Variants in SNTG1 observed in about 807,000 individuals in gnomAD.
The protein encoded by SNTG1 is gamma-1-syntrophin.
A neutral mutation model predicts 74.7 loss-of-function variants in SNTG1; 39 were observed. The ratio of observed to expected loss-of-function variants is 0.52; its 90% confidence interval spans 0.40 to 0.68. The LOEUF is 0.68. Among genes scored for constraint, SNTG1 ranks in the 30% least tolerant of loss-of-function variants. The pLI is 0.00. For synonymous variants in SNTG1, 254 were observed against 217.1 expected (o/e 1.17, Z -1.49); for missense variants, 685 against 609.5 (o/e 1.12, Z -1.30).
chr8:50,403,522 A>C (rs1038719066), intron 4 of SNTG1, among the ~76,000 whole-genome samples: 4 of 152,202 alleles, frequency 2.6e-5, no homozygotes, highest in Non-Finnish European at 5.9e-5. Flanking sequence ...GAATAAATAT[A>C]TCACACTGGT....
chr8:50,129,583 T>A (rs964233346), intron 1 of SNTG1, among the ~76,000 whole-genome samples: 7 of 152,120 alleles, frequency 4.6e-5, no homozygotes, highest in African/African-American at 1.7e-4. Flanking sequence ...ATCTGTGGGT[T>A]TGGATTCATA....
intron 18 of SNTG1, among the ~76,000 whole-genome samples, chr8:50,790,022 C>G (rs971938940): frequency 6.6e-5 from 10 of 151,950 alleles, no homozygotes; most frequent in Admixed American, 1.3e-4. Context: ...AATATTTCCC[C>G]ACAAACATGG....
intron 1 of SNTG1, among the ~76,000 whole-genome samples, chr8:49,939,846 G>A (rs1185188755): frequency 6.6e-6 from 1 of 152,146 alleles, no homozygotes; most frequent in Non-Finnish European, 1.5e-5. Flanking sequence ...AAAGTCAGCA[G>A]CTCCTGAGAG....
chr8:50,702,103 C>T (rs1034131047), intron 15 of SNTG1, among the ~76,000 whole-genome samples: 2 of 152,026 alleles, frequency 1.3e-5, no homozygotes, highest in South Asian at 4.1e-4. Context: ...CTGCCCACCT[C>T]GGCCTCCCAA....
chr8:50,191,017 C>T (rs2083553071), intron 2 of SNTG1, among the ~76,000 whole-genome samples: 1 of 152,146 alleles, frequency 6.6e-6, no homozygotes, highest in South Asian at 2.1e-4. Flanking sequence ...AAGCACTTCG[C>T]TATTTTTTCT....
intron 17 of SNTG1, among the ~76,000 whole-genome samples, chr8:50,734,745 G>GTATATAGATATCTATATATATGTACATA (rs2095521835): frequency 2.8e-5 from 2 of 72,568 alleles, no homozygotes; most frequent in Admixed American, 2.5e-4. Context: ...ATATGGACAT[G>GTATATAGATATCTATATATATGTACATA]TATATAGATA....
chr8:50,281,414 T>G (rs2088447518), intron 2 of SNTG1, among the ~76,000 whole-genome samples: 1 of 152,152 alleles, frequency 6.6e-6, no homozygotes, highest in Non-Finnish European at 1.5e-5. Flanking sequence ...ATATTTTTGG[T>G]TTACATAACA....
intron 2 of SNTG1, among the ~76,000 whole-genome samples, chr8:50,351,981 G>A (rs2091675126): frequency 6.6e-6 from 1 of 152,088 alleles, no homozygotes; most frequent in Non-Finnish European, 1.5e-5. Context: ...GGAAAAGGAG[G>A]AACATATCCT....
chr8:50,461,529 TTATC>T (rs985494397), intron 8 of SNTG1, among the ~76,000 whole-genome samples: 2 of 152,168 alleles, frequency 1.3e-5, no homozygotes, highest in Non-Finnish European at 2.9e-5. Flanking sequence ...AATTTATTAT[TTATC>T]TGATCATTTT....
At chr8:50,076,556 T>C (rs1460457224) in intron 1 of SNTG1, among the ~76,000 whole-genome samples, 1 of 152,140 alleles carries the variant, frequency 6.6e-6, no homozygotes, top group African/African-American at 2.4e-5. Context: ...AATCAAGAGA[T>C]AGAAGCTAAT....
At chr8:50,251,162 A>T (rs73577272) in intron 2 of SNTG1, among the ~76,000 whole-genome samples, 4,203 of 152,182 alleles carry the variant, frequency 0.028, 184 homozygotes, top group African/African-American at 0.091. Flanking sequence ...AGGCCACTAT[A>T]CCTATAAGAC....
intron 8 of SNTG1, 78 bp from the exon 9 acceptor site, chr8:50,502,699 AC>A: frequency 8.4e-7 from 1 of 1,193,318 alleles, no homozygotes; most frequent in Non-Finnish European, 1.2e-6. Flanking sequence ...GGAAGAAACA[AC>A]CAATAATTTC....
At chr8:50,668,495 CATTATT>C (rs67860057) in intron 15 of SNTG1, among the ~76,000 whole-genome samples, 5,438 of 145,236 alleles carry the variant, frequency 0.037, 138 homozygotes, top group African/African-American at 0.077. Context: ...ATCTTTCGCA[CATTATT>C]ATTATTATTA....
chr8:50,641,061 A>G (rs2095069524), intron 13 of SNTG1, among the ~76,000 whole-genome samples: 1 of 152,032 alleles, frequency 6.6e-6, no homozygotes, highest in Admixed American at 6.6e-5. Context: ...ATTCAGACTA[A>G]CTCCAACTTT....
chr8:50,541,891 C>T (rs1334833289), intron 11 of SNTG1, among the ~76,000 whole-genome samples: 2 of 151,774 alleles, frequency 1.3e-5, no homozygotes, highest in Non-Finnish European at 2.9e-5. Context: ...TTTTAGCTCC[C>T]ACTTAAATAT....
intron 2 of SNTG1, among the ~76,000 whole-genome samples, chr8:50,273,972 C>T (rs1025957605): frequency 6.6e-6 from 1 of 151,970 alleles, no homozygotes; most frequent in South Asian, 2.1e-4. Flanking sequence ...GATTGTGCAC[C>T]TACTTAATTA....
chr8:50,517,474 C>T (rs2094143097), intron 9 of SNTG1, among the ~76,000 whole-genome samples: 1 of 151,862 alleles, frequency 6.6e-6, no homozygotes, highest in Non-Finnish European at 1.5e-5. Flanking sequence ...CTAAATGCCC[C>T]AATTAAAAGA....
At chr8:50,609,761 T>A (rs1205271478) in intron 13 of SNTG1, among the ~76,000 whole-genome samples, 1 of 152,114 alleles carries the variant, frequency 6.6e-6, no homozygotes, top group Non-Finnish European at 1.5e-5. Flanking sequence ...TTTCTATTAA[T>A]CTATCTTTTA....
At chr8:50,500,169 C>T (rs556377544) in intron 8 of SNTG1, among the ~76,000 whole-genome samples, 30 of 151,362 alleles carry the variant, frequency 2.0e-4, no homozygotes, top group African/African-American at 7.0e-4. Flanking sequence ...TTCTCCTCTC[C>T]TCTATGACTC....
Sources: gnomAD v4.1 joint callset for allele counts (sites outside exome capture counted in the v4.1 genomes callset) on GRCh38, gnomAD v4.1.1 for gene constraint, MANE v1.5 for transcripts, NCBI Gene and HGNC (gene_info 2026-07-23, HGNC 2026-07-21) for gene names.